CMIP: variants seen among roughly 807,000 people sequenced by gnomAD.
CMIP encodes the protein C-Maf-inducing protein.
In CMIP, 13 loss-of-function variants were observed where a neutral mutation model predicts 97.3. That is an observed-to-expected ratio of 0.13 (90% CI 0.09 to 0.21). CMIP has a LOEUF of 0.21. Ranked by LOEUF, CMIP falls within the 10% of genes least tolerant of loss-of-function variation. CMIP has a pLI of 1.00. For synonymous variants in CMIP, 538 were observed against 436.3 expected (o/e 1.23, Z -2.91); for missense variants, 847 against 1,024.9 (o/e 0.83, Z 2.37).
intron 1 of CMIP, among the ~76,000 whole-genome samples, chr16:81,491,610 GTA>G (rs1323093860): frequency 6.6e-6 from 1 of 152,176 alleles, no homozygotes; most frequent in African/African-American, 2.4e-5. Flanking sequence ...CCCTACCCAA[GTA>G]TACACCAGCT....
Position 81,445,193 on chromosome 16 carries a change from C to T in CMIP, c.-49C>T. 1.5e-6 allele frequency: 2 copies of T among 1,331,918 alleles called. No homozygotes were observed. Among genetic ancestry groups the T allele is most frequent in the Admixed American group, 2.5e-5 (1 of 39,756 alleles). The allele number at this position is 1,331,918 out of a possible 1,614,324, so 82.5% of individuals were successfully genotyped here. On this transcript the variant is annotated 5_prime_UTR_variant, in exon 1 of 21. Coordinates refer to ENST00000537098, the MANE Select transcript of CMIP (RefSeq NM_198390.3). ...CCGGGGGCCCCGCCGCCCCAGCAGC[C>T]CAGGACAGCCCCCTCTCCCCGCCCC... is the stretch of plus-strand genomic sequence containing the variant.
chr16:81,684,493 G>A (rs894354141), intron 10 of CMIP, among the ~76,000 whole-genome samples: 1 of 152,232 alleles, frequency 6.6e-6, no homozygotes, highest in Admixed American at 6.5e-5. Context: ...CCACAGGGCA[G>A]CACAGGGCTC....
At chr16:81,622,031 T>A (rs2091999583) in intron 3 of CMIP, 1 of 152,238 alleles carries the variant, frequency 6.6e-6, no homozygotes, top group Non-Finnish European at 1.5e-5. Flanking sequence ...GCTTCTACTG[T>A]GTGCCAGGAC....
At chr16:81,654,839 C>G (rs1177376038) in intron 4 of CMIP, among the ~76,000 whole-genome samples, 1 of 152,130 alleles carries the variant, frequency 6.6e-6, no homozygotes, top group African/African-American at 2.4e-5. Context: ...TGAGATAAAC[C>G]CGGGTTGGTA....
intron 1 of CMIP, among the ~76,000 whole-genome samples, chr16:81,568,934 G>A (rs933767959): frequency 6.6e-6 from 1 of 152,208 alleles, no homozygotes; most frequent in Non-Finnish European, 1.5e-5. Context: ...GCCTCAAGGG[G>A]AAAAGGTGCA....
intron 10 of CMIP, among the ~76,000 whole-genome samples, chr16:81,688,632 A>G (rs1905695825): frequency 1.3e-5 from 2 of 152,004 alleles, no homozygotes; most frequent in Admixed American, 6.6e-5. Flanking sequence ...TGTTATTGTC[A>G]TTGTTATTAC....
At chr16:81,488,859 C>G (rs2150764394) in intron 1 of CMIP, among the ~76,000 whole-genome samples, 1 of 152,298 alleles carries the variant, frequency 6.6e-6, no homozygotes, top group East Asian at 1.9e-4. Context: ...ACTGTAGAAT[C>G]AGATGTGAGC....
At chr16:81,530,372 C>G (rs1329579344) in intron 1 of CMIP, among the ~76,000 whole-genome samples, 2 of 152,138 alleles carry the variant, frequency 1.3e-5, no homozygotes, top group Admixed American at 1.3e-4. Context: ...TCCTGTTCCT[C>G]CCGTCTCGCC....
intron 4 of CMIP, among the ~76,000 whole-genome samples, chr16:81,654,965 C>T (rs1328124632): frequency 6.6e-6 from 1 of 152,174 alleles, no homozygotes; most frequent in Non-Finnish European, 1.5e-5. Context: ...AGTTGCTAGG[C>T]CTTTCTGTGC....
At chr16:81,473,895 A>T (rs11150390) in intron 1 of CMIP, among the ~76,000 whole-genome samples, 131 of 148,244 alleles carry the variant, frequency 8.8e-4, no homozygotes, top group African/African-American at 2.9e-3. Context: ...AGTTCCGGAT[A>T]TCCATTTTCT....
chr16:81,599,900 A>C (rs2091628468), intron 1 of CMIP, among the ~76,000 whole-genome samples: 2 of 152,110 alleles, frequency 1.3e-5, no homozygotes, highest in African/African-American at 4.8e-5. Context: ...ATGAATGTTA[A>C]CCACGGGCAC....
Position 81,621,828 on chromosome 16 carries a change from T to TC in CMIP, c.477+907dup, listed in dbSNP as rs1252703519. The TC allele has an allele frequency of 6.6e-6, 1 of 152,252 alleles. No homozygotes were observed. The highest frequency in any genetic ancestry group is 1.5e-5 in the Non-Finnish European group (1 of 68,020). The allele number at this position is 152,252 out of a possible 1,614,324, so 9.4% of individuals were successfully genotyped here. A position where few individuals can be genotyped will look rare whatever the true frequency, so the allele number is the denominator to read the frequency against. On this transcript the variant is annotated intron_variant, in intron 3 of 20. Transcript: ENST00000537098. The surrounding 1 kb of genome is among the most constrained non-coding windows in gnomAD (Gnocchi z 4.1). ...ATTCCTCTCATGGCTCCAGAGGGGC[T>TC]CCCCCAACGGCCAGGGTTGGGGGCA...
intron 1 of CMIP, among the ~76,000 whole-genome samples, chr16:81,516,905 C>G (rs904928912): frequency 2.0e-5 from 3 of 152,158 alleles, no homozygotes; most frequent in Non-Finnish European, 4.4e-5. Context: ...TCAAGGTCAT[C>G]GGTGAAAAAC....
chr16:81,610,438 G>A, intron 2 of CMIP: 1 of 986,106 alleles, frequency 1.0e-6, no homozygotes, highest in Non-Finnish European at 1.2e-6. Flanking sequence ...GGAAAAGGAG[G>A]AGGAGGAGGC....
At chr16:81,578,558 G>C (rs2091241442) in intron 1 of CMIP, among the ~76,000 whole-genome samples, 1 of 152,204 alleles carries the variant, frequency 6.6e-6, no homozygotes, top group Non-Finnish European at 1.5e-5. Flanking sequence ...ACATTGGAGA[G>C]AGCTGTCCTT....
intron 1 of CMIP, among the ~76,000 whole-genome samples, chr16:81,506,202 T>G (rs996493088): frequency 1.3e-5 from 2 of 152,168 alleles, no homozygotes; most frequent in Non-Finnish European, 2.9e-5. Context: ...CTCACGTAGT[T>G]AGAAACTGGC....
chr16:81,656,211 G>A (rs984353397), intron 4 of CMIP, among the ~76,000 whole-genome samples: 2 of 152,164 alleles, frequency 1.3e-5, no homozygotes, highest in African/African-American at 2.4e-5. Flanking sequence ...ACGGCCTCCC[G>A]CAGCCCTCGG....
At chr16:81,461,952 G>T (rs999637247) in intron 1 of CMIP, among the ~76,000 whole-genome samples, 2 of 152,238 alleles carry the variant, frequency 1.3e-5, no homozygotes, top group Non-Finnish European at 2.9e-5. Flanking sequence ...TGCATAGGCA[G>T]TTCTCATGGA....
chr16:81,570,210 C>T (rs577669354), intron 1 of CMIP, among the ~76,000 whole-genome samples: 4 of 152,318 alleles, frequency 2.6e-5, no homozygotes, highest in Non-Finnish European at 5.9e-5. Flanking sequence ...GTGTGGCTGC[C>T]TCCCTTGGTG....
Sources: allele counts gnomAD v4.1 joint callset (sites outside exome capture counted in the v4.1 genomes callset), GRCh38; gene constraint gnomAD v4.1.1; non-coding constraint Gnocchi (gnomAD v3.1); transcripts MANE v1.5; gene names NCBI Gene and HGNC (gene_info 2026-07-23, HGNC 2026-07-21).